Variants in ZNF469 observed in about 807,000 individuals in gnomAD.
ZNF469 encodes the protein zinc finger protein 469.
A neutral mutation model predicts 1.0 loss-of-function variants in ZNF469; 1 was observed. The ratio of observed to expected loss-of-function variants is 1.00; its 90% CI spans 0.35 to 4.73. ZNF469 has a LOEUF of 4.73. Ranked by LOEUF, ZNF469 falls within the 30% of genes most tolerant of loss-of-function variation. The pLI is 0.16. For synonymous variants in ZNF469, 2,703 were observed against 2,363.4 expected, an observed-to-expected ratio of 1.14 and a Z score of -4.17; for missense variants, 6,100 against 5,356.3, an observed-to-expected ratio of 1.14 and a Z score of -4.33.
chr16:88,358,761 C>T, the ZNF469 span, among the ~76,000 whole-genome samples: 1 of 152,020 alleles, frequency 6.6e-6, no homozygotes, highest in African/African-American at 2.4e-5. Flanking sequence ...CTATGTCTCT[C>T]AGGCTGGAGT....
chr16:88,387,368 G>A (rs972494089), intron 1 of ZNF469, among the ~76,000 whole-genome samples: 3 of 152,194 alleles, frequency 2.0e-5, no homozygotes, highest in African/African-American at 7.2e-5. Context: ...AGGGCGGGGT[G>A]GGAGCGGCGG....
chr16:88,124,147 G>C, the ZNF469 span, among the ~76,000 whole-genome samples: 1 of 152,060 alleles, frequency 6.6e-6, no homozygotes, highest in African/African-American at 2.4e-5. Flanking sequence ...AGTTTCAAAA[G>C]CTTTTGATTG....
At chr16:88,284,216 C>G in the ZNF469 span, among the ~76,000 whole-genome samples, 1 of 152,138 alleles carries the variant, frequency 6.6e-6, no homozygotes, top group African/African-American at 2.4e-5. Context: ...CCTGAGTGCC[C>G]AAGGTCTGCT....
the ZNF469 span, among the ~76,000 whole-genome samples, chr16:88,320,381 A>ATTCTTTT: frequency 1.3e-5 from 2 of 152,124 alleles, no homozygotes; most frequent in Non-Finnish European, 1.5e-5. Flanking sequence ...GAGATTCTTT[A>ATTCTTTT]TTCTTTTTTC....
the ZNF469 span, among the ~76,000 whole-genome samples, chr16:88,227,449 T>C: frequency 1.3e-5 from 2 of 150,722 alleles, no homozygotes; most frequent in Admixed American, 6.6e-5. Context: ...CTCCAGTCCC[T>C]CCCTCAGCTT....
chr16:88,403,907 G>T (rs1031032834), intron 1 of ZNF469, among the ~76,000 whole-genome samples: 5 of 152,146 alleles, frequency 3.3e-5, no homozygotes, highest in African/African-American at 1.2e-4. Flanking sequence ...TGGTGGGCAA[G>T]GAGGGGCAGC....
the ZNF469 span, among the ~76,000 whole-genome samples, chr16:88,328,185 C>T: frequency 6.6e-6 from 1 of 152,240 alleles, no homozygotes; most frequent in Non-Finnish European, 1.5e-5. Flanking sequence ...TGCAGGCAGA[C>T]GCACGCTATG....
At chr16:88,273,691 G>A in the ZNF469 span, among the ~76,000 whole-genome samples, 2 of 152,224 alleles carry the variant, frequency 1.3e-5, no homozygotes, top group African/African-American at 4.8e-5. Context: ...AGAAACATCC[G>A]CACACCCATG....
At chr16:88,103,694 C>A in the ZNF469 span, among the ~76,000 whole-genome samples, 9 of 152,038 alleles carry the variant, frequency 5.9e-5, no homozygotes, top group Admixed American at 1.3e-4. Flanking sequence ...TCCTCCGTGG[C>A]ACGAGGAAGC....
At chr16:88,213,482 G>A in the ZNF469 span, among the ~76,000 whole-genome samples, 6 of 152,326 alleles carry the variant, frequency 3.9e-5, no homozygotes, top group Admixed American at 1.3e-4. Flanking sequence ...GCAAGTTGGA[G>A]TTGTTTACAA....
At chr16:88,128,218 C>A in the ZNF469 span, among the ~76,000 whole-genome samples, 3 of 151,452 alleles carry the variant, frequency 2.0e-5, no homozygotes, top group African/African-American at 7.3e-5. Context: ...AAGGGTTGAG[C>A]CCCTGAGGGC....
chr16:88,389,398 C>T (rs950521606), intron 1 of ZNF469, among the ~76,000 whole-genome samples: 3 of 152,276 alleles, frequency 2.0e-5, no homozygotes, highest in Non-Finnish European at 4.4e-5. Flanking sequence ...TTTGTGCACG[C>T]ACCCCTCCTC....
chr16:88,106,808 C>T, the ZNF469 span, among the ~76,000 whole-genome samples: 9 of 152,378 alleles, frequency 5.9e-5, no homozygotes, highest in Admixed American at 2.0e-4. Context: ...CTGCCATTGC[C>T]GCACAGGCCA....
At chr16:88,284,768 C>T in the ZNF469 span, among the ~76,000 whole-genome samples, 3 of 152,250 alleles carry the variant, frequency 2.0e-5, no homozygotes, top group African/African-American at 2.4e-5. Context: ...GTGCCCCTGG[C>T]AGCTCTGCAG....
At chr16:88,137,605 G>C in the ZNF469 span, among the ~76,000 whole-genome samples, 1 of 152,120 alleles carries the variant, frequency 6.6e-6, no homozygotes, top group African/African-American at 2.4e-5. Context: ...CATGAATACA[G>C]CTATGCGTGC....
chr16:88,430,393 G>A lies in ZNF469; in HGVS notation c.2923G>A (p.Ala975Thr), dbSNP rs1238167813. The A allele has an allele frequency of 6.6e-7, 1 of 1,519,068 alleles. No homozygotes were observed. Among genetic ancestry groups the A allele is most frequent in the Non-Finnish European group, 8.8e-7 (1 of 1,137,550 alleles). 94.1% of individuals were successfully genotyped at this position (1,519,068 alleles called of 1,614,324 possible). Reference protein sequence around the residue: ...EGSGSGGGGRASGLRPRRNDG... With the variant: ...EGSGSGGGGRTSGLRPRRNDG... ...GTCGGGGTCGGGCGGCGGCGGCAGA[G>A]CCTCCGGCCTGAGGCCCCGGAGGAA... is the stretch of plus-strand genomic sequence containing the variant. Residue 975 changes from alanine to threonine, a missense_variant, in exon 3 of 3, where the codon GCC (alanine) becomes ACC (threonine). Coordinates refer to ENST00000565624, the MANE Select transcript of ZNF469 (RefSeq NM_001367624.2).
the ZNF469 span, among the ~76,000 whole-genome samples, chr16:88,252,543 A>G: frequency 1.3e-5 from 2 of 152,052 alleles, no homozygotes; most frequent in Admixed American, 1.3e-4. Flanking sequence ...ATCACTGTTT[A>G]CATTTTATGA....
chr16:88,377,783 G>A, the ZNF469 span, among the ~76,000 whole-genome samples: 8 of 152,118 alleles, frequency 5.3e-5, no homozygotes, highest in East Asian at 3.9e-4. Context: ...CGCGGACCAC[G>A]CCACCCCTCA....
At chr16:88,393,600 CT>C (rs1295361760) in intron 1 of ZNF469, among the ~76,000 whole-genome samples, 2 of 152,196 alleles carry the variant, frequency 1.3e-5, no homozygotes, top group African/African-American at 4.8e-5. Flanking sequence ...CAGTGCCGAG[CT>C]GCCCGGGCAG....
Sources: allele counts gnomAD v4.1 joint callset (sites outside exome capture counted in the v4.1 genomes callset), GRCh38; gene constraint gnomAD v4.1.1; transcripts MANE v1.5; gene names NCBI Gene and HGNC (gene_info 2026-07-23, HGNC 2026-07-21).